PAPOLA: variants seen among roughly 807,000 people sequenced by gnomAD.
PAPOLA encodes the protein poly(A) polymerase alpha.
Under a neutral mutation model 100.6 loss-of-function variants are expected in PAPOLA, and 15 were observed. That is an observed-to-expected ratio of 0.15 (90% confidence interval 0.10 to 0.23). The LOEUF (loss-of-function observed/expected upper bound fraction) is 0.23, where lower values mean the gene tolerates loss of function less well. Among genes scored for constraint, PAPOLA ranks in the 10% least tolerant of loss-of-function variants. PAPOLA has a pLI of 1.00. For missense variants in PAPOLA, 533 were observed against 884.2 expected (o/e 0.60, Z 5.04); for synonymous variants, 293 against 300.0 (o/e 0.98, Z 0.24).
At chr14:96,554,620 GACAC>G (rs534916865) in intron 17 of PAPOLA, among the ~76,000 whole-genome samples, 1 of 151,748 alleles carries the variant, frequency 6.6e-6, no homozygotes, top group Non-Finnish European at 1.5e-5. Flanking sequence ...AAGAGAGACA[GACAC>G]ACACACACAC....
At position 96,565,060 on chromosome 14, in the gene PAPOLA, CAG is replaced by C; in HGVS notation, c.*11_*12del. 7.3e-7 allele frequency: 1 copy of C among 1,368,636 alleles called. No homozygotes were observed. Among genetic ancestry groups the C allele is most frequent in the Non-Finnish European group, 1.0e-6 (1 of 956,682 alleles). The allele number at this position is 1,368,636 out of a possible 1,614,324, so 84.8% of individuals were successfully genotyped here. ...GAGATTGAATCGGTAAAAACAACCT[CAG>C]GGGTCCATAAACAATATCTGCCAAC... On this transcript the variant is annotated 3_prime_UTR_variant, in exon 22 of 22. Coordinates refer to ENST00000216277, the MANE Select transcript of PAPOLA (RefSeq NM_032632.5).
chr14:96,521,350 C>A (rs1018949596), intron 3 of PAPOLA, among the ~76,000 whole-genome samples: 3 of 152,108 alleles, frequency 2.0e-5, no homozygotes, highest in Admixed American at 1.3e-4. Context: ...ACACTCTTCA[C>A]AGAAATAATG....
In PAPOLA at chr14:96,547,793, A is replaced by G. The variant is rs766920367; in HGVS notation, c.1400-4A>G. On this transcript the variant is annotated splice_region_variant and splice_polypyrimidine_tract_variant and intron_variant, in intron 15 of 21. Transcript: ENST00000216277. Reference sequence around the variant, plus strand: ...TTTCTTGTAACAATTTCCTAATTGTATAGTTTATAGGCAAGCAATAAACAG... The same window carrying G: ...TTTCTTGTAACAATTTCCTAATTGTGTAGTTTATAGGCAAGCAATAAACAG... 8.2e-6 allele frequency: 13 copies of G among 1,587,830 alleles called. No individual in the cohort carries two copies. Among genetic ancestry groups the G allele is most frequent in the Admixed American group, 7.4e-5 (4 of 53,930 alleles).
At chr14:96,528,047 T>C in intron 6 of PAPOLA, 41 bp downstream of exon 6, 1 of 1,332,962 alleles carries the variant, frequency 7.5e-7, no homozygotes, top group Non-Finnish European at 1.1e-6. Flanking sequence ...CTATGTGCTG[T>C]CACTAATTTT....
chr14:96,516,032 GT>G (rs886483903), intron 1 of PAPOLA, among the ~76,000 whole-genome samples: 1 of 152,190 alleles, frequency 6.6e-6, no homozygotes, highest in Non-Finnish European at 1.5e-5. Flanking sequence ...CAATATTGGA[GT>G]ATATAGTTTT....
At chr14:96,542,161 A>G (rs1012748376) in intron 12 of PAPOLA, 82 bp from the exon 13 acceptor site, 1 of 817,894 alleles carries the variant, frequency 1.2e-6, no homozygotes, top group African/African-American at 1.7e-5. Context: ...TATAACTGTA[A>G]GGAAGCTTAT....
intron 1 of PAPOLA, among the ~76,000 whole-genome samples, chr14:96,509,985 T>TTTA (rs1491489544): frequency 5.4e-5 from 8 of 148,936 alleles, no homozygotes; most frequent in African/African-American, 2.0e-4. Flanking sequence ...TTTTTTTTTT[T>TTTA]AATCTTTGGA....
rs145464577 is a variant in PAPOLA, at chr14:96,533,928, G to A, written c.837-563G>A. On this transcript the variant is annotated intron_variant, in intron 9 of 21. Transcript: ENST00000216277. Reference sequence around the variant, plus strand: ...GAAGCTAACCTTGATGTTAAGAGTGGCAGGTGTTCTCCAGTTTTTACCTCT... The same window carrying A: ...GAAGCTAACCTTGATGTTAAGAGTGACAGGTGTTCTCCAGTTTTTACCTCT... 24 of 985,104 alleles carry A rather than the reference G, an allele frequency of 2.4e-5. No individual in the cohort carries two copies. In the African/African-American group the frequency reaches 3.5e-4, roughly 14 times the overall value. The allele number at this position is 985,104 out of a possible 1,614,324, so 61.0% of individuals were successfully genotyped here.
intron 17 of PAPOLA, among the ~76,000 whole-genome samples, chr14:96,554,968 GTTGT>G (rs1301023649): frequency 1.3e-5 from 2 of 152,066 alleles, no homozygotes; most frequent in Non-Finnish European, 2.9e-5. Flanking sequence ...CTTTTGGTTG[GTTGT>G]TAAGTAGGAA....
intron 14 of PAPOLA, 44 bp from the exon 15 acceptor site, chr14:96,544,105 T>A (rs775133914): frequency 9.6e-7 from 1 of 1,038,432 alleles, no homozygotes; most frequent in Non-Finnish European, 1.5e-6. Flanking sequence ...ATAGCTACAT[T>A]TTCATGAAAT....
chr14:96,542,129 C>T (rs988054866), intron 12 of PAPOLA, 114 bp from the exon 13 acceptor site: 1 of 567,498 alleles, frequency 1.8e-6, no homozygotes, highest in African/African-American at 1.9e-5. Context: ...TTGTAGTCCC[C>T]CTTGCTAAAT....
intron 1 of PAPOLA, among the ~76,000 whole-genome samples, chr14:96,517,956 C>T (rs1311753854): frequency 6.6e-6 from 1 of 152,060 alleles, no homozygotes; most frequent in Non-Finnish European, 1.5e-5. Flanking sequence ...CCCTCCTCGG[C>T]CCCCCAAAAT....
At chr14:96,540,968 C>A (rs1899934049) in intron 12 of PAPOLA, among the ~76,000 whole-genome samples, 1 of 152,244 alleles carries the variant, frequency 6.6e-6, no homozygotes, top group South Asian at 2.1e-4. Flanking sequence ...CGGCTCACTG[C>A]AAGCTCCGCC....
intron 6 of PAPOLA, among the ~76,000 whole-genome samples, chr14:96,530,382 GTTTTTTTTTTTCT>G (rs1468634621): frequency 1.5e-5 from 2 of 134,858 alleles, no homozygotes; most frequent in South Asian, 2.4e-4. Flanking sequence ...ATGTTTGTTT[GTTTTTTTTTTTCT>G]TTTTTTTTTT....
intron 19 of PAPOLA, among the ~76,000 whole-genome samples, chr14:96,559,874 A>G (rs1460295612): frequency 1.3e-5 from 2 of 151,990 alleles, no homozygotes; most frequent in Non-Finnish European, 2.9e-5. Context: ...TAAGTACCGT[A>G]TATTTGTCAC....
rs1404748177 is a variant in PAPOLA, at chr14:96,532,516, A to G, written c.703A>G (p.Asn235Asp). 1.2e-6 allele frequency: 2 copies of G among 1,607,980 alleles called. No homozygotes were observed. Among genetic ancestry groups the G allele is most frequent in the East Asian group, 2.2e-5 (1 of 44,812 alleles). The change falls in exon 9 of 22, where the codon AAC (asparagine) becomes GAC (aspartate). Residue 235 changes from asparagine to aspartate, a missense_variant. By Grantham distance (23) the Asn-to-Asp change is conservative. Coordinates refer to ENST00000216277, the MANE Select transcript of PAPOLA (RefSeq NM_032632.5). ...RAIKLWAKRH[N>D]IYSNILGFLG... ...TGCTTTTCCCTTATCAACAGGCCAC[A>G]ACATCTATTCCAATATATTAGGTTT...
intron 1 of PAPOLA, among the ~76,000 whole-genome samples, chr14:96,511,377 A>C (rs979898634): frequency 1.3e-5 from 2 of 152,180 alleles, no homozygotes; most frequent in South Asian, 4.1e-4. Flanking sequence ...CCTGGGCAAC[A>C]TAGTGAGATC....
In PAPOLA at chr14:96,544,395, G is replaced by T; in HGVS notation, c.1399+137G>T. 4 of 592,028 alleles carry T rather than the reference G, an allele frequency of 6.8e-6. No individual in the cohort carries two copies. The South Asian group carries it at 8.4e-5, about 12-fold the overall frequency. 36.7% of individuals were successfully genotyped at this position (592,028 alleles called of 1,614,324 possible). On this transcript the variant is annotated intron_variant, in intron 15 of 21. Coordinates refer to ENST00000216277, the MANE Select transcript of PAPOLA (RefSeq NM_032632.5). ...GAACTATCATCAGAATAATGGTTTT[G>T]TATTAGTCTAATACAGATTGAGTAT...
chr14:96,548,711 C>T (rs1900590651), intron 16 of PAPOLA, among the ~76,000 whole-genome samples: 1 of 151,988 alleles, frequency 6.6e-6, no homozygotes, highest in Non-Finnish European at 1.5e-5. Flanking sequence ...ACCTAAAAAA[C>T]AATGTATTTA....
Sources: gnomAD v4.1 joint callset for allele counts (sites outside exome capture counted in the v4.1 genomes callset) on GRCh38, gnomAD v4.1.1 for gene constraint, MANE v1.5 for transcripts, NCBI Gene and HGNC (gene_info 2026-07-23, HGNC 2026-07-21) for gene names.